XPO5: variants seen among roughly 807,000 people sequenced by gnomAD.
XPO5 encodes exportin 5.
Under a neutral mutation model 160.6 loss-of-function variants are expected in XPO5, and 46 were observed. The observed-to-expected ratio is 0.29, with a 90% CI of 0.23 to 0.37. The LOEUF (loss-of-function observed/expected upper bound fraction) is 0.37, where lower values mean the gene tolerates loss of function less well. XPO5 is among the 10% of genes least tolerant of loss of function. XPO5 has a pLI of 1.00. For missense variants in XPO5, 1,090 were observed against 1,463.9 expected (o/e 0.74, Z 4.17); for synonymous variants, 537 against 519.3 (o/e 1.03, Z -0.46).
At chr6:43,573,790 C>T (rs974949869) in intron 1 of XPO5, among the ~76,000 whole-genome samples, 189 bp from the exon 2 acceptor site, 13 of 148,364 alleles carry the variant, frequency 8.8e-5, no homozygotes, top group Non-Finnish European at 1.5e-4. Context: ...CATGGCGAAA[C>T]CCCATCTCTA....
chr6:43,561,382 C>CTT, intron 9 of XPO5: 1 of 163,340 alleles, frequency 6.1e-6, no homozygotes, highest in Admixed American at 6.1e-5. Flanking sequence ...AGTTTCTTTT[C>CTT]TTTTTTTTTT....
At chr6:43,541,775 A>T (rs1404130362) in intron 20 of XPO5, among the ~76,000 whole-genome samples, 1 of 152,102 alleles carries the variant, frequency 6.6e-6, no homozygotes, top group Non-Finnish European at 1.5e-5. Context: ...TAGTAATCCA[A>T]TACTTCTTTT....
In XPO5 at chr6:43,531,555, C is replaced by G. The variant is rs1224953166; in HGVS notation, c.2464G>C (p.Glu822Gln). Residue 822 changes from glutamate to glutamine, a missense_variant, in exon 22 of 32, where the codon GAA becomes CAA. Around this residue, in one of 3 missense-constraint regions of XPO5, gnomAD observed 810 missense variants for 1,139.0 expected, o/e 0.71. Transcript: ENST00000265351. ...AILGLPQPLL[E>Q]LNDSPVFKTV... is the part of the protein sequence containing the mutation. ...TTGAAGACAGGAGAGTCATTGAGTT[C>G]CAAGAGAGGTTGAGGTAATCCTACA... 1.2e-6 allele frequency: 2 copies of G among 1,613,706 alleles called. No homozygotes were observed. Among genetic ancestry groups the G allele is most frequent in the Non-Finnish European group, 1.7e-6 (2 of 1,179,826 alleles).
chr6:43,535,456 G>A (rs1024297658), intron 20 of XPO5, among the ~76,000 whole-genome samples: 4 of 152,028 alleles, frequency 2.6e-5, no homozygotes, highest in Non-Finnish European at 4.4e-5. Flanking sequence ...CAGGTGTGGT[G>A]GTGGGTGCCG....
chr6:43,549,380 T>C, intron 17 of XPO5, 109 bp downstream of exon 17: 1 of 1,122,152 alleles, frequency 8.9e-7, no homozygotes, highest in Non-Finnish European at 1.3e-6. Context: ...GCTTATATGA[T>C]GCAAAGCTAT....
chr6:43,550,476 TG>T (rs911456128), intron 15 of XPO5, among the ~76,000 whole-genome samples: 14 of 152,272 alleles, frequency 9.2e-5, no homozygotes, highest in Non-Finnish European at 2.1e-4. Context: ...TTTCCTTCTG[TG>T]GGGGCTTCTC....
At chr6:43,534,568 C>T (rs916424270) in intron 20 of XPO5, among the ~76,000 whole-genome samples, 5 of 152,186 alleles carry the variant, frequency 3.3e-5, no homozygotes, top group Non-Finnish European at 7.3e-5. Context: ...TTGATATACC[C>T]GCTGTCCACA....
At chr6:43,548,195 G>C in intron 18 of XPO5, 66 bp downstream of exon 18, 1 of 1,472,372 alleles carries the variant, frequency 6.8e-7, no homozygotes, top group Non-Finnish European at 9.1e-7. Flanking sequence ...CCCACCCTGG[G>C]CCTAGCTCTT....
At chr6:43,573,649 G>A (rs752231795) in intron 1 of XPO5, 48 bp from the exon 2 acceptor site, 16 of 1,573,198 alleles carry the variant, frequency 1.0e-5, no homozygotes, top group African/African-American at 2.7e-5. Context: ...GAGAGAATAG[G>A]GACTAAAAGA....
At chr6:43,573,417 G>A (rs929464019) in intron 2 of XPO5, 63 bp downstream of exon 2, 14 of 1,596,310 alleles carry the variant, frequency 8.8e-6, no homozygotes, top group African/African-American at 2.7e-5. Flanking sequence ...ATCTCTATAG[G>A]TTATATAAGA....
chr6:43,569,780 A>G (rs538743142), intron 5 of XPO5, among the ~76,000 whole-genome samples: 1 of 152,102 alleles, frequency 6.6e-6, no homozygotes, highest in South Asian at 2.1e-4. Flanking sequence ...TTCTGAAAAT[A>G]AAATTAAGAA....
intron 12 of XPO5, 174 bp from the exon 13 acceptor site, chr6:43,556,138 T>C: frequency 2.4e-6 from 2 of 823,558 alleles, no homozygotes; most frequent in Non-Finnish European, 3.6e-6. Flanking sequence ...AATCCAGAAG[T>C]TTTTGAAAAT....
chr6:43,528,750 C>A (rs1793758843), intron 24 of XPO5, 78 bp downstream of exon 24: 2 of 1,369,230 alleles, frequency 1.5e-6, no homozygotes, highest in Non-Finnish European at 1.0e-6. Flanking sequence ...CTTCTAGGAG[C>A]TCCTGACTTG....
intron 6 of XPO5, among the ~76,000 whole-genome samples, chr6:43,567,966 TG>T (rs1179448513): frequency 6.7e-6 from 1 of 148,330 alleles, no homozygotes; most frequent in African/African-American, 2.5e-5. Context: ...AGTCTGTTTT[TG>T]TTTTTTTTTT....
intron 21 of XPO5, among the ~76,000 whole-genome samples, chr6:43,532,292 A>C (rs963842176): frequency 1.3e-5 from 2 of 152,248 alleles, no homozygotes. Context: ...ACAGACAGAC[A>C]TGAGTTCTGG....
intron 3 of XPO5, among the ~76,000 whole-genome samples, chr6:43,572,001 TA>T (rs1763033909): frequency 6.6e-6 from 1 of 152,236 alleles, no homozygotes; most frequent in Non-Finnish European, 1.5e-5. Context: ...CTTTATAATT[TA>T]AAAAATAGAA....
At chr6:43,560,055 G>A (rs1762331806) in intron 11 of XPO5, 123 bp downstream of exon 11, 3 of 1,252,162 alleles carry the variant, frequency 2.4e-6, no homozygotes, top group Non-Finnish European at 2.2e-6. Context: ...CTGGGCTCAA[G>A]CGATCCTCCC....
chr6:43,559,386 A>C (rs1456741130), intron 11 of XPO5, among the ~76,000 whole-genome samples: 1 of 152,214 alleles, frequency 6.6e-6, no homozygotes, highest in Non-Finnish European at 1.5e-5. Flanking sequence ...CCATTCTCTG[A>C]TGTTACAAAT....
At chr6:43,541,617 G>A (rs765012218) in intron 20 of XPO5, among the ~76,000 whole-genome samples, 4 of 146,728 alleles carry the variant, frequency 2.7e-5, no homozygotes, top group Non-Finnish European at 5.9e-5. Context: ...TGAGGCAATC[G>A]CCAATGTACT....
Sources: gnomAD v4.1 joint callset for allele counts (sites outside exome capture counted in the v4.1 genomes callset) on GRCh38, gnomAD v4.1.1 for gene constraint, gnomAD v4.1.1 regional missense constraint, MANE v1.5 for transcripts, NCBI Gene and HGNC (gene_info 2026-07-23, HGNC 2026-07-21) for gene names.